Variants in ME3 observed in about 807,000 individuals in gnomAD.
The protein encoded by ME3 is NADP-dependent malic enzyme, mitochondrial.
A neutral mutation model predicts 68.9 loss-of-function variants in ME3; 48 were observed. That is an observed-to-expected ratio of 0.70 (90% CI 0.55 to 0.89). The LOEUF is 0.89. ME3 is among the 40% of genes least tolerant of loss of function. The probability of loss-of-function intolerance (pLI) is 0.00; values close to 1 mark genes in which losing one functional copy is unlikely to be tolerated. For synonymous variants in ME3, 320 were observed against 318.8 expected, an observed-to-expected ratio of 1.00 and a Z score of -0.04; for missense variants, 675 against 797.4, an observed-to-expected ratio of 0.85 and a Z score of 1.85.
intron 6 of ME3, among the ~76,000 whole-genome samples, chr11:86,490,288 G>C (rs1374619612): frequency 6.6e-6 from 1 of 152,114 alleles, no homozygotes; most frequent in Non-Finnish European, 1.5e-5. Context: ...GGTGGGTCCT[G>C]GCCTCCTCTC....
intron 4 of ME3, among the ~76,000 whole-genome samples, chr11:86,511,788 C>A (rs1270551686): frequency 6.6e-6 from 1 of 152,150 alleles, no homozygotes; most frequent in African/African-American, 2.4e-5. Context: ...TCCCTAGTTG[C>A]TCCTGTAGAT....
chr11:86,462,733 C>G (rs1950283504), intron 8 of ME3: 1 of 542,590 alleles, frequency 1.8e-6, no homozygotes, highest in Non-Finnish European at 3.3e-6. Context: ...TTATTATCTT[C>G]TGGGAAGGCA....
At chr11:86,561,520 C>A (rs984956660) in intron 2 of ME3, among the ~76,000 whole-genome samples, 1 of 152,182 alleles carries the variant, frequency 6.6e-6, no homozygotes, top group Non-Finnish European at 1.5e-5. Flanking sequence ...TTAAGCTGAA[C>A]ATAAGTTCAT....
chr11:86,497,470 C>G (rs1417523528), intron 6 of ME3, among the ~76,000 whole-genome samples: 1 of 152,208 alleles, frequency 6.6e-6, no homozygotes, highest in Non-Finnish European at 1.5e-5. Context: ...ACTCCTGCAG[C>G]TGGATCTCAC....
intron 2 of ME3, among the ~76,000 whole-genome samples, chr11:86,610,785 TG>T (rs1224130780): frequency 6.6e-6 from 1 of 152,200 alleles, no homozygotes; most frequent in African/African-American, 2.4e-5. Context: ...TTTTGAGCTT[TG>T]GGAGAAACAA....
intron 4 of ME3, among the ~76,000 whole-genome samples, chr11:86,536,422 C>G (rs1341208641): frequency 7.6e-6 from 1 of 131,632 alleles, no homozygotes; most frequent in African/African-American, 2.9e-5. Context: ...CTACAATGAA[C>G]TCAAACAAAT....
At chr11:86,448,388 G>T (rs1279996914) in intron 10 of ME3, 133 bp from the exon 11 acceptor site, 2 of 661,038 alleles carry the variant, frequency 3.0e-6, no homozygotes, top group Non-Finnish European at 5.3e-6. Flanking sequence ...ATGTTTTGGG[G>T]CCCATCTTCT....
At chr11:86,497,856 G>C in intron 6 of ME3, 107 bp downstream of exon 6, 2 of 1,262,458 alleles carry the variant, frequency 1.6e-6, no homozygotes, top group Non-Finnish European at 2.2e-6. Context: ...TGCCAAGAAA[G>C]AAATGGCCCA....
rs758604308 is a variant in ME3, at chr11:86,671,873, G to C, written c.72C>G (p.Arg24=). The C allele has an allele frequency of 2.6e-6, 4 of 1,557,230 alleles. No homozygotes were observed. The Admixed American group carries it at 6.0e-5, about 23-fold the overall frequency. ...CTTGGGCGGGCGCGGTGGGTGTCCA[G>C]CGCGGGAGGGCGCCGCAGGCCCGGC... Residue 24 remains arginine, a synonymous_variant, in exon 2 of 15, where the codon CGC becomes CGG. Coordinates refer to ENST00000543262, the Ensembl canonical transcript of ME3.
intron 13 of ME3, among the ~76,000 whole-genome samples, chr11:86,444,418 C>T (rs144387771): frequency 2.6e-5 from 4 of 152,172 alleles, no homozygotes; most frequent in South Asian, 2.1e-4. Flanking sequence ...AGGAGCCATA[C>T]GAAGGTCTGA....
chr11:86,660,993 A>G (rs1946239562), intron 2 of ME3, among the ~76,000 whole-genome samples: 1 of 152,152 alleles, frequency 6.6e-6, no homozygotes, highest in Non-Finnish European at 1.5e-5. Flanking sequence ...CTGATGTATC[A>G]TCAGTCTTCA....
exon 8 of ME3, chr11:86,465,189 T>G (rs1182111027): frequency 6.2e-7 from 1 of 1,612,936 alleles, no homozygotes; most frequent in Non-Finnish European, 8.5e-7. Flanking sequence ...GATGAGGCAA[T>G]TTATTCCAAA....
chr11:86,505,376 C>T (rs1366678200), intron 5 of ME3, among the ~76,000 whole-genome samples: 1 of 152,126 alleles, frequency 6.6e-6, no homozygotes, highest in Non-Finnish European at 1.5e-5. Context: ...ACTACAGGCC[C>T]AATATTCAGA....
At chr11:86,515,559 G>T (rs1953838543) in intron 4 of ME3, among the ~76,000 whole-genome samples, 1 of 152,128 alleles carries the variant, frequency 6.6e-6, no homozygotes, top group South Asian at 2.1e-4. Context: ...AATCAAACAA[G>T]GCAAATTTGC....
intron 4 of ME3, among the ~76,000 whole-genome samples, chr11:86,514,872 G>T (rs1432994246): frequency 6.6e-6 from 1 of 152,100 alleles, no homozygotes; most frequent in African/African-American, 2.4e-5. Flanking sequence ...TTAAAAGTGT[G>T]GGCTCGGGAG....
chr11:86,534,334 T>A lies in ME3; in HGVS notation c.467+22219A>T, dbSNP rs1474175801. 7.2e-5 allele frequency among the ~76,000 whole-genome samples: 11 copies of A among 152,282 alleles called. No homozygotes were observed. The East Asian group carries it at 2.1e-3, about 29-fold the overall frequency. On this transcript the variant is annotated intron_variant, in intron 4 of 14. Coordinates refer to ENST00000543262, the Ensembl canonical transcript of ME3. ...CTTAGCTTACTGTGACTTTTCTACTTTATACACTTTTAAGTTAATTTTTTT... is the reference window on the plus strand; with the variant it reads ...CTTAGCTTACTGTGACTTTTCTACTATATACACTTTTAAGTTAATTTTTTT...
intron 5 of ME3, among the ~76,000 whole-genome samples, chr11:86,501,479 C>G (rs1952719378): frequency 6.6e-6 from 1 of 152,112 alleles, no homozygotes; most frequent in Non-Finnish European, 1.5e-5. Context: ...AAAGTCTGGC[C>G]ATGTGAAGCT....
At chr11:86,618,803 C>T (rs1943156010) in intron 2 of ME3, among the ~76,000 whole-genome samples, 1 of 151,808 alleles carries the variant, frequency 6.6e-6, no homozygotes. Flanking sequence ...CTGCAACCTC[C>T]ACCTCCTGGG....
At chr11:86,441,189 A>T (rs1244564015) in exon 15 of ME3, 3 of 1,245,752 alleles carry the variant, frequency 2.4e-6, no homozygotes, top group Non-Finnish European at 3.2e-6. Flanking sequence ...ACACAGCGAC[A>T]AGGATTCACT....
Sources: gnomAD v4.1 joint callset for allele counts (sites outside exome capture counted in the v4.1 genomes callset) on GRCh38, gnomAD v4.1.1 for gene constraint, MANE v1.5 for transcripts, NCBI Gene and HGNC (gene_info 2026-07-23, HGNC 2026-07-21) for gene names.